Variants in SNTG1 observed in about 807,000 individuals in gnomAD.
SNTG1 encodes the protein gamma-1-syntrophin.
In SNTG1, 39 loss-of-function variants were observed where a neutral mutation model predicts 74.7. That is an observed-to-expected ratio of 0.52 (90% CI 0.40 to 0.68). The LOEUF (loss-of-function observed/expected upper bound fraction) is 0.68, where lower values mean the gene tolerates loss of function less well. SNTG1 is among the 30% of genes least tolerant of loss of function. The probability of loss-of-function intolerance (pLI) is 0.00; values close to 1 mark genes in which losing one functional copy is unlikely to be tolerated. For synonymous variants in SNTG1, 254 were observed against 217.1 expected, an observed-to-expected ratio of 1.17 and a Z score of -1.49; for missense variants, 685 against 609.5, an observed-to-expected ratio of 1.12 and a Z score of -1.30.
rs1377973087 is a variant in SNTG1, at chr8:50,119,258, A to T, written c.-102-53303A>T. 7.8e-5 allele frequency among the ~76,000 whole-genome samples: 11 copies of T among 141,174 alleles called. 4 individuals are homozygous for T. Among genetic ancestry groups the T allele is most frequent in the African/African-American group, 2.8e-4 (11 of 38,948 alleles). 92.6% of individuals were successfully genotyped at this position (141,174 alleles called of 152,430 possible). ...TTATCACTGATCACTGCCACCACAG[A>T]GAGAAGGCTAATTCTCTTTTCAGTG... On this transcript the variant is annotated intron_variant, in intron 1 of 18. Transcript: ENST00000642720.
At chr8:50,503,003 A>G (rs1347773763) in intron 9 of SNTG1, 123 bp downstream of exon 9, 4 of 724,146 alleles carry the variant, frequency 5.5e-6, no homozygotes, top group South Asian at 4.2e-5. Context: ...AAACATTTTT[A>G]TATTACAAAG....
intron 13 of SNTG1, among the ~76,000 whole-genome samples, chr8:50,616,342 C>T (rs1271557002): frequency 6.6e-6 from 1 of 152,106 alleles, no homozygotes; most frequent in African/African-American, 2.4e-5. Flanking sequence ...TGCTGGTGTC[C>T]CTGAGCTCAG....
chr8:50,708,165 C>G (rs1443583604), intron 16 of SNTG1: 1 of 184,268 alleles, frequency 5.4e-6, no homozygotes, highest in South Asian at 2.0e-4. Context: ...CGCACCACTA[C>G]GCTCTAGCCT....
intron 1 of SNTG1, among the ~76,000 whole-genome samples, chr8:50,055,838 T>A (rs546404959): frequency 6.6e-6 from 1 of 152,232 alleles, no homozygotes; most frequent in East Asian, 1.9e-4. Flanking sequence ...ACAAACACAT[T>A]AATGTATTTT....
At chr8:50,381,592 GTATA>G (rs55881205) in intron 2 of SNTG1, among the ~76,000 whole-genome samples, 1 of 98,004 alleles carries the variant, frequency 1.0e-5, no homozygotes, top group African/African-American at 3.3e-5. Flanking sequence ...GTGTGTGTGT[GTATA>G]TATATATATA....
At chr8:50,348,587 T>C (rs1352917467) in intron 2 of SNTG1, among the ~76,000 whole-genome samples, 1 of 152,200 alleles carries the variant, frequency 6.6e-6, no homozygotes, top group Admixed American at 6.5e-5. Context: ...TAATATTTAA[T>C]GTAGGATGAT....
intron 4 of SNTG1, 54 bp downstream of exon 4, chr8:50,402,398 A>G (rs2092818530): frequency 1.9e-6 from 3 of 1,543,662 alleles, no homozygotes; most frequent in Non-Finnish European, 2.6e-6. Context: ...TTGTTAATAA[A>G]AATGTTTATT....
intron 1 of SNTG1, among the ~76,000 whole-genome samples, chr8:49,928,004 C>T (rs1239120195): frequency 6.6e-6 from 1 of 151,452 alleles, no homozygotes; most frequent in African/African-American, 2.4e-5. Context: ...TGGCGTGCAC[C>T]TGTAGTCCCA....
chr8:50,115,212 G>T (rs2080764540), intron 1 of SNTG1, among the ~76,000 whole-genome samples: 1 of 152,058 alleles, frequency 6.6e-6, no homozygotes, highest in Admixed American at 6.6e-5. Flanking sequence ...CAGGTGTTAA[G>T]ACTGGAGAGA....
chr8:50,763,690 G>C (rs1277008258), intron 18 of SNTG1, among the ~76,000 whole-genome samples: 4 of 135,204 alleles, frequency 3.0e-5, no homozygotes, highest in Non-Finnish European at 6.3e-5. Context: ...GTGTGTGTGT[G>C]TGGTTTTAAG....
intron 2 of SNTG1, among the ~76,000 whole-genome samples, chr8:50,211,281 T>G (rs2084509540): frequency 6.6e-6 from 1 of 152,172 alleles, no homozygotes; most frequent in Admixed American, 6.5e-5. Flanking sequence ...ATGAAAATTA[T>G]TTTTAATATC....
chr8:50,698,009 C>T (rs754438607), intron 15 of SNTG1, among the ~76,000 whole-genome samples: 1 of 152,088 alleles, frequency 6.6e-6, no homozygotes, highest in Non-Finnish European at 1.5e-5. Context: ...AGTATTGGCA[C>T]CAGTTCTTCC....
intron 1 of SNTG1, among the ~76,000 whole-genome samples, chr8:49,916,421 A>G (rs1401086605): frequency 6.6e-6 from 1 of 152,164 alleles, no homozygotes; most frequent in African/African-American, 2.4e-5. Flanking sequence ...AGATAAAGTG[A>G]TCATGTTATA....
At chr8:49,944,982 G>T (rs1388364889) in intron 1 of SNTG1, among the ~76,000 whole-genome samples, 1 of 151,948 alleles carries the variant, frequency 6.6e-6, no homozygotes, top group African/African-American at 2.4e-5. Context: ...TAGAGACCAG[G>T]TTTCACCAGT....
Position 49,996,373 on chromosome 8 carries a change from T to G in SNTG1, c.-103+84142T>G, listed in dbSNP as rs79704784. Among the ~76,000 whole-genome samples the G allele has an allele frequency of 2.1e-3, 303 of 141,708 alleles. 3 individuals are homozygous for G. Among genetic ancestry groups the G allele is most frequent in the African/African-American group, 7.6e-3 (290 of 37,984 alleles). The allele number at this position is 141,708 out of a possible 152,430, so 93.0% of individuals were successfully genotyped here. A position where few individuals can be genotyped will look rare whatever the true frequency, so the allele number is the denominator to read the frequency against. Reference sequence around the variant, plus strand: ...AATTAAAGAAGAAACAGTAAGAAGCTTTTTTTTTTTACCTCCACAATGTTT... The same window carrying G: ...AATTAAAGAAGAAACAGTAAGAAGCGTTTTTTTTTTACCTCCACAATGTTT... On this transcript the variant is annotated intron_variant, in intron 1 of 18. Transcript: ENST00000642720.
At chr8:50,287,959 A>G (rs567426648) in intron 2 of SNTG1, among the ~76,000 whole-genome samples, 33 of 152,154 alleles carry the variant, frequency 2.2e-4, no homozygotes, top group African/African-American at 6.5e-4. Flanking sequence ...CGTCATCTCT[A>G]TGAAGCAATT....
intron 1 of SNTG1, among the ~76,000 whole-genome samples, chr8:49,950,220 T>C (rs1361484636): frequency 6.6e-6 from 1 of 152,230 alleles, no homozygotes; most frequent in Non-Finnish European, 1.5e-5. Context: ...CTTTACAGAC[T>C]CTTCTCTGAG....
At chr8:50,330,205 T>G (rs540710158) in intron 2 of SNTG1, among the ~76,000 whole-genome samples, 30 of 152,180 alleles carry the variant, frequency 2.0e-4, no homozygotes, top group African/African-American at 6.7e-4. Flanking sequence ...AGATCTGATG[T>G]TTTTATAAGG....
At chr8:50,645,491 T>G (rs892277343) in intron 13 of SNTG1, among the ~76,000 whole-genome samples, 1 of 152,188 alleles carries the variant, frequency 6.6e-6, no homozygotes, top group African/African-American at 2.4e-5. Context: ...TCTGTTTTTT[T>G]AAGTTGTATT....
Sources: allele counts gnomAD v4.1 joint callset (sites outside exome capture counted in the v4.1 genomes callset), GRCh38; gene constraint gnomAD v4.1.1; transcripts MANE v1.5; gene names NCBI Gene and HGNC (gene_info 2026-07-23, HGNC 2026-07-21).